Variants in SPSB1 observed in about 807,000 individuals in gnomAD.
SPSB1 encodes SPRY domain-containing SOCS box protein 1.
In SPSB1, 8 loss-of-function variants were observed where a neutral mutation model predicts 21.2. That is an observed-to-expected ratio of 0.38 (90% CI 0.22 to 0.68). The LOEUF (loss-of-function observed/expected upper bound fraction) is 0.68. SPSB1 is among the 30% of genes least tolerant of loss of function. SPSB1 has a pLI of 0.53. For missense variants in SPSB1, 242 were observed against 377.8 expected (o/e 0.64, Z 2.98); for synonymous variants, 169 against 161.7 (o/e 1.05, Z -0.34).
chr1:9,331,288 C>T (rs367685793), intron 1 of SPSB1, among the ~76,000 whole-genome samples: 3 of 31,928 alleles, frequency 9.4e-5, no homozygotes, highest in South Asian at 1.0e-3. Flanking sequence ...CATAAATACC[C>T]GTTATGGATC....
At position 9,305,056 on chromosome 1, in the gene SPSB1, G is replaced by A. The variant is rs945334496; in HGVS notation, c.-150+11985G>A. Among the ~76,000 whole-genome samples, 7 of 152,046 alleles carry A rather than the reference G, an allele frequency of 4.6e-5. No individual in the cohort carries two copies. The highest frequency in any genetic ancestry group is 1.9e-4 in the East Asian group (1 of 5,172). On this transcript the variant is annotated intron_variant, in intron 1 of 2. Coordinates refer to ENST00000328089, the MANE Select transcript of SPSB1 (RefSeq NM_025106.4). The surrounding 1 kb of genome is among the most constrained non-coding windows in gnomAD (Gnocchi z 4.8). ...CCTGCGCCCAGACCCATCTGGCATT[G>A]CCTTCCCTACAGGGGCCTCTCCCAC...
chr1:9,314,175 C>CAAAAAAAAAA (rs58276325), intron 1 of SPSB1, among the ~76,000 whole-genome samples: 1 of 138,774 alleles, frequency 7.2e-6, no homozygotes, highest in Non-Finnish European at 1.5e-5. Flanking sequence ...GACTCTATCT[C>CAAAAAAAAAA]AAAAAAAAAA....
intron 1 of SPSB1, among the ~76,000 whole-genome samples, chr1:9,318,997 C>A (rs368923185): frequency 6.6e-6 from 1 of 152,054 alleles, no homozygotes; most frequent in Non-Finnish European, 1.5e-5. Flanking sequence ...GGCAACATGG[C>A]GAAACCTGTC....
intron 1 of SPSB1, among the ~76,000 whole-genome samples, chr1:9,333,839 G>T (rs958755215): frequency 1.3e-5 from 2 of 152,188 alleles, no homozygotes; most frequent in African/African-American, 4.8e-5. Flanking sequence ...TTCCTCTCCA[G>T]CGCGGCTCCG....
intron 2 of SPSB1, among the ~76,000 whole-genome samples, chr1:9,357,160 GGTGGATGGATGGGTGGATGGATGA>G (rs1640382719): frequency 1.2e-5 from 1 of 81,198 alleles, no homozygotes. Flanking sequence ...TGGATGGATG[GGTGGATGGATGGGTGGATGGATGA>G]GTGGATGGAT....
Position 9,348,253 on chromosome 1 carries a change from C to G in SPSB1, c.-149-7490C>G, listed in dbSNP as rs1013593858. On this transcript the variant is annotated intron_variant, in intron 1 of 2. Coordinates refer to ENST00000328089, the MANE Select transcript of SPSB1 (RefSeq NM_025106.4). The surrounding 1 kb of genome is among the most constrained non-coding windows in gnomAD (Gnocchi z 4.8). ...AGCCACCGCGGCAACTTTTTTTAAC[C>G]CTGGGCATCCCACAGCACTGTCTCG... Among the ~76,000 whole-genome samples the G allele has an allele frequency of 6.6e-6, 1 of 151,864 alleles. No homozygotes were observed. The highest frequency in any genetic ancestry group is 2.4e-5 in the African/African-American group (1 of 41,344).
chr1:9,360,433 C>T (rs1481133435), intron 2 of SPSB1, among the ~76,000 whole-genome samples: 2 of 152,094 alleles, frequency 1.3e-5, no homozygotes, highest in South Asian at 2.1e-4. Flanking sequence ...ACAGGGTATT[C>T]GTCTCCTGGA....
At position 9,293,544 on chromosome 1, in the gene SPSB1, G is replaced by C. The variant is rs1489245463; in HGVS notation, c.-150+473G>C. Among the ~76,000 whole-genome samples, 1 of 151,848 alleles carries C rather than the reference G, an allele frequency of 6.6e-6. No individual in the cohort carries two copies. Among genetic ancestry groups the C allele is most frequent in the African/African-American group, 2.4e-5 (1 of 41,364 alleles). On this transcript the variant is annotated intron_variant, in intron 1 of 2. Transcript: ENST00000328089. The surrounding 1 kb of genome is among the most constrained non-coding windows in gnomAD (Gnocchi z 5.1). ...GATTGGCGGCGCGGCCCGGTCCCCC[G>C]TCGGGGCGCCCCCACCCTCCCGCAG...
intron 1 of SPSB1, among the ~76,000 whole-genome samples, chr1:9,319,660 A>T (rs984263304): frequency 6.6e-6 from 1 of 152,034 alleles, no homozygotes; most frequent in Non-Finnish European, 1.5e-5. Context: ...GGTGCAGAGG[A>T]TGCTGCGGGA....
intron 2 of SPSB1, among the ~76,000 whole-genome samples, chr1:9,362,346 G>A (rs921185250): frequency 6.6e-6 from 1 of 152,342 alleles, no homozygotes; most frequent in East Asian, 1.9e-4. Flanking sequence ...GATCTCAGGC[G>A]TCCTTCCCCA....
chr1:9,341,343 G>T (rs1262940224), intron 1 of SPSB1, among the ~76,000 whole-genome samples: 1 of 152,168 alleles, frequency 6.6e-6, no homozygotes, highest in Non-Finnish European at 1.5e-5. Flanking sequence ...TAGAACCTCC[G>T]CCAGCAGCCC....
intron 2 of SPSB1, among the ~76,000 whole-genome samples, chr1:9,364,632 C>T (rs1640528203): frequency 6.6e-6 from 1 of 152,216 alleles, no homozygotes; most frequent in Non-Finnish European, 1.5e-5. Context: ...TTCCTCCATT[C>T]GTCTCCAATC....
chr1:9,364,344 G>A (rs1225840467), intron 2 of SPSB1, among the ~76,000 whole-genome samples: 1 of 152,260 alleles, frequency 6.6e-6, no homozygotes, highest in African/African-American at 2.4e-5. Context: ...CAGACCACAG[G>A]CTGCGATAAG....
intron 2 of SPSB1, among the ~76,000 whole-genome samples, chr1:9,359,575 A>G (rs1232758819): frequency 1.3e-5 from 2 of 151,572 alleles, no homozygotes; most frequent in African/African-American, 2.4e-5. Flanking sequence ...GGTGGCATGC[A>G]CCTGTAATCC....
At chr1:9,319,556 A>C (rs1569590866) in intron 1 of SPSB1, among the ~76,000 whole-genome samples, 2 of 151,796 alleles carry the variant, frequency 1.3e-5, no homozygotes, top group African/African-American at 4.8e-5. Context: ...CGAGTGGAGG[A>C]GGTGGGGAGC....
In SPSB1 at chr1:9,314,042, G is replaced by A. The variant is rs528395219; in HGVS notation, c.-150+20971G>A. ...AATACAAAAATTAGCCAGGTGTGGCGGCGGGCACTTGTTATCCCAGCTACC... is the reference window on the plus strand; with the variant it reads ...AATACAAAAATTAGCCAGGTGTGGCAGCGGGCACTTGTTATCCCAGCTACC... On this transcript the variant is annotated intron_variant, in intron 1 of 2. Coordinates refer to ENST00000328089, the MANE Select transcript of SPSB1 (RefSeq NM_025106.4). 3.4e-4 allele frequency among the ~76,000 whole-genome samples: 52 copies of A among 152,112 alleles called. 1 individual carries two copies. The highest frequency in any genetic ancestry group is 1.2e-3 in the African/African-American group (48 of 41,500).
rs1046657274 is a variant in SPSB1 at position 9,293,032 on chromosome 1, G to A, written c.-189G>A. On this transcript the variant is annotated 5_prime_UTR_variant, in exon 1 of 3. Transcript: ENST00000328089. This position sits in a 1 kb window ranked among gnomAD's most constrained non-coding sequence, Gnocchi z 5.1. ...GCGGCCCGGGCGCCCGAGCCTCCTC[G>A]GCCTTGGAGAGCAGCGGCGGCGGCG... is the stretch of plus-strand genomic sequence containing the variant. 1.3e-5 allele frequency: 13 copies of A among 980,846 alleles called. No individual in the cohort carries two copies. The African/African-American group carries it at 2.1e-4, about 16-fold the overall frequency. The allele number at this position is 980,846 out of a possible 1,614,324, so 60.8% of individuals were successfully genotyped here.
chr1:9,352,913 A>G (rs1024187696), intron 1 of SPSB1, among the ~76,000 whole-genome samples: 2 of 149,402 alleles, frequency 1.3e-5, no homozygotes, highest in Non-Finnish European at 3.0e-5. Flanking sequence ...ATGACAGACG[A>G]GATCCCGGGA....
chr1:9,356,999 G>A lies in SPSB1; in HGVS notation c.694+414G>A, dbSNP rs1640374985. On this transcript the variant is annotated intron_variant, in intron 2 of 2. Coordinates refer to ENST00000328089, the MANE Select transcript of SPSB1 (RefSeq NM_025106.4). This position sits in a 1 kb window ranked among gnomAD's most constrained non-coding sequence, Gnocchi z 7.4. Reference sequence around the variant, plus strand: ...GTGGGTGGATGGGTGGGTAGGGGGTGGATGAGTGTTTAGATTGATGGATGG... The same window carrying A: ...GTGGGTGGATGGGTGGGTAGGGGGTAGATGAGTGTTTAGATTGATGGATGG... 6.6e-6 allele frequency among the ~76,000 whole-genome samples: 1 copy of A among 151,930 alleles called. No homozygotes were observed. Among genetic ancestry groups the A allele is most frequent in the Non-Finnish European group, 1.5e-5 (1 of 67,962 alleles).
Sources: gnomAD v4.1 joint callset for allele counts (sites outside exome capture counted in the v4.1 genomes callset) on GRCh38, gnomAD v4.1.1 for gene constraint, Gnocchi (gnomAD v3.1) non-coding constraint, MANE v1.5 for transcripts, NCBI Gene and HGNC (gene_info 2026-07-23, HGNC 2026-07-21) for gene names.